SLC10A7: variants seen among roughly 807,000 people sequenced by gnomAD.
SLC10A7 encodes the protein solute carrier family 10 member 7.
In SLC10A7, 29 loss-of-function variants were observed where a neutral mutation model predicts 43.2. The ratio of observed to expected loss-of-function variants is 0.67; its 90% confidence interval spans 0.50 to 0.92. The LOEUF is 0.92. SLC10A7 is among the 40% of genes least tolerant of loss of function. SLC10A7 has a pLI of 0.00. For synonymous variants in SLC10A7, 152 were observed against 144.8 expected, an observed-to-expected ratio of 1.05 and a Z score of -0.35; for missense variants, 295 against 403.2, an observed-to-expected ratio of 0.73 and a Z score of 2.30.
At chr4:146,501,869 A>G (rs1736447201) in intron 4 of SLC10A7, among the ~76,000 whole-genome samples, 1 of 152,162 alleles carries the variant, frequency 6.6e-6, no homozygotes, top group Non-Finnish European at 1.5e-5. Context: ...TCATCAGCAT[A>G]TCCTGTACCT....
intron 5 of SLC10A7, among the ~76,000 whole-genome samples, chr4:146,374,512 C>T (rs1737023211): frequency 6.6e-6 from 1 of 151,662 alleles, no homozygotes. Context: ...TCGTTTGAAC[C>T]TGGGAGGCAG....
At chr4:146,300,908 G>A (rs1731116747) in intron 7 of SLC10A7, among the ~76,000 whole-genome samples, 1 of 151,930 alleles carries the variant, frequency 6.6e-6, no homozygotes, top group African/African-American at 2.4e-5. Flanking sequence ...ATTACTGCTG[G>A]GCGCTCCCTG....
chr4:146,258,886 CA>C, intron 10 of SLC10A7, 49 bp from the exon 11 acceptor site: 2 of 1,577,860 alleles, frequency 1.3e-6, no homozygotes, highest in Non-Finnish European at 1.7e-6. Context: ...AGTCTGTCAT[CA>C]AATTAAATGC....
chr4:146,359,621 C>CT (rs1400247004), intron 5 of SLC10A7, among the ~76,000 whole-genome samples: 1 of 152,032 alleles, frequency 6.6e-6, no homozygotes, highest in Non-Finnish European at 1.5e-5. Flanking sequence ...CCAACAGCAT[C>CT]TAGATCATTT....
At chr4:146,516,218 AATGGGTAT>A (rs1434713975) in intron 2 of SLC10A7, among the ~76,000 whole-genome samples, 4 of 151,982 alleles carry the variant, frequency 2.6e-5, no homozygotes, top group African/African-American at 9.7e-5. Flanking sequence ...TTCAAGACCA[AATGGGTAT>A]TTTCTCCTCT....
chr4:146,503,748 T>G (rs1579357715), intron 4 of SLC10A7, 101 bp downstream of exon 4: 22 of 1,057,966 alleles, frequency 2.1e-5, no homozygotes, highest in Non-Finnish European at 1.7e-5. Context: ...TGGCTAGGAG[T>G]TTTCTGCAAC....
intron 5 of SLC10A7, among the ~76,000 whole-genome samples, chr4:146,432,895 G>A (rs1729883699): frequency 1.3e-5 from 2 of 151,804 alleles, no homozygotes; most frequent in Middle Eastern, 3.4e-3. Context: ...AAAATTAGCC[G>A]GGCGTGGTGG....
At chr4:146,356,574 G>C (rs368411546) in intron 5 of SLC10A7, among the ~76,000 whole-genome samples, 3 of 150,260 alleles carry the variant, frequency 2.0e-5, no homozygotes, top group East Asian at 2.0e-4. Flanking sequence ...ACAACAGACA[G>C]ACACACACAC....
intron 5 of SLC10A7, among the ~76,000 whole-genome samples, chr4:146,413,913 A>G (rs967337205): frequency 6.6e-6 from 1 of 152,222 alleles, no homozygotes; most frequent in Admixed American, 6.5e-5. Context: ...GTAGAGCTGA[A>G]TATCAATCCT....
In SLC10A7 at chr4:146,254,357, A is replaced by C. The variant is rs910676054; in HGVS notation, c.*2134T>G. The C allele has an allele frequency of 1.3e-5, 2 of 152,184 alleles. No homozygotes were observed. The highest frequency in any genetic ancestry group is 4.8e-5 in the African/African-American group (2 of 41,464). 9.4% of individuals were successfully genotyped at this position (152,184 alleles called of 1,614,324 possible). A position where few individuals can be genotyped will look rare whatever the true frequency, so the allele number is the denominator to read the frequency against. On this transcript the variant is annotated 3_prime_UTR_variant, in exon 12 of 12. Transcript: ENST00000335472. ...AAAACAGATAGCTTTACAGTGTATA[A>C]ACATAACAAAATATTTTAAGCTCTG...
intron 5 of SLC10A7, among the ~76,000 whole-genome samples, chr4:146,375,852 C>T (rs1579028150): frequency 6.6e-6 from 1 of 152,220 alleles, no homozygotes; most frequent in East Asian, 1.9e-4. Flanking sequence ...TGTCGGATCC[C>T]ACAGGTTGAA....
chr4:146,390,220 G>A (rs989493970), intron 5 of SLC10A7, among the ~76,000 whole-genome samples: 8 of 152,154 alleles, frequency 5.3e-5, no homozygotes, highest in African/African-American at 1.7e-4. Flanking sequence ...ATTGACAGAA[G>A]GCCATCATGT....
intron 5 of SLC10A7, among the ~76,000 whole-genome samples, chr4:146,369,056 T>C (rs1052064097): frequency 1.3e-5 from 2 of 152,296 alleles, no homozygotes; most frequent in Admixed American, 6.5e-5. Context: ...CTGTCTTCTA[T>C]TATAACTTCC....
At chr4:146,473,435 G>A (rs1269907091) in intron 4 of SLC10A7, among the ~76,000 whole-genome samples, 1 of 152,110 alleles carries the variant, frequency 6.6e-6, no homozygotes, top group Non-Finnish European at 1.5e-5. Context: ...GTAAGGAAAA[G>A]CTGAAGGGTA....
intron 3 of SLC10A7, among the ~76,000 whole-genome samples, chr4:146,506,927 T>C (rs1309510730): frequency 3.3e-5 from 5 of 152,260 alleles, no homozygotes; most frequent in South Asian, 2.1e-4. Flanking sequence ...ATTGTATTTA[T>C]ATATTTGTTT....
intron 5 of SLC10A7, 118 bp from the exon 6 acceptor site, chr4:146,326,114 T>C (rs1733086876): frequency 1.3e-6 from 1 of 774,584 alleles, no homozygotes; most frequent in South Asian, 1.8e-5. Flanking sequence ...TTTAATAAAA[T>C]CTAGGAGATA....
chr4:146,378,198 T>C (rs1479386157), intron 5 of SLC10A7, among the ~76,000 whole-genome samples: 2 of 152,228 alleles, frequency 1.3e-5, no homozygotes, highest in Non-Finnish European at 2.9e-5. Context: ...TGCTTCTAAG[T>C]GTGCAGGGAT....
intron 10 of SLC10A7, among the ~76,000 whole-genome samples, chr4:146,259,365 G>A (rs1288795986): frequency 2.6e-5 from 4 of 152,184 alleles, no homozygotes; most frequent in African/African-American, 9.7e-5. Context: ...GGATTTGTAT[G>A]TTCCCTTTCA....
At chr4:146,328,038 T>C (rs905726597) in intron 5 of SLC10A7, among the ~76,000 whole-genome samples, 3 of 152,120 alleles carry the variant, frequency 2.0e-5, no homozygotes, top group Non-Finnish European at 4.4e-5. Context: ...TGACCCACCC[T>C]GCTCCCTGCC....
Sources: gnomAD v4.1 joint callset for allele counts (sites outside exome capture counted in the v4.1 genomes callset) on GRCh38, gnomAD v4.1.1 for gene constraint, MANE v1.5 for transcripts, NCBI Gene and HGNC (gene_info 2026-07-23, HGNC 2026-07-21) for gene names.